The following CTXND1 variants were observed in gnomAD, a reference collection of about 807,000 sequenced individuals.
The protein encoded by CTXND1 is cortexin domain-containing 1 protein.
At chr15:80,246,450 A>G (rs58979564) in intron 1 of CTXND1, among the ~76,000 whole-genome samples, 1,975 of 152,294 alleles carry the variant, frequency 0.013, 39 homozygotes, top group African/African-American at 0.045. Flanking sequence ...GGAGCCACAT[A>G]AGCCTGGACA....
In CTXND1 at chr15:80,197,473, A is replaced by G. The variant is rs1398307716; in HGVS notation, c.*4297T>C. The G allele has an allele frequency of 6.6e-6, 1 of 152,250 alleles. No individual in the cohort carries two copies. The highest frequency in any genetic ancestry group is 6.5e-5 in the Admixed American group (1 of 15,284). The allele number at this position is 152,250 out of a possible 1,614,324, so 9.4% of individuals were successfully genotyped here. A position where few individuals can be genotyped will look rare whatever the true frequency, so the allele number is the denominator to read the frequency against. On this transcript the variant is annotated 3_prime_UTR_variant, in exon 3 of 3. Transcript: ENST00000560778. ...CTTCAATCAGTGCTTCGTGTGTGCC[A>G]TCTCTTTCCTGCCAAGACACTGAAA...
chr15:80,226,963 A>AT (rs1223310553), intron 1 of CTXND1, among the ~76,000 whole-genome samples: 1 of 151,972 alleles, frequency 6.6e-6, no homozygotes, highest in African/African-American at 2.4e-5. Context: ...CATGAGCAGG[A>AT]TTTTTTCCCC....
Position 80,195,762 on chromosome 15 carries a change from T to A in CTXND1, c.*6008A>T, listed in dbSNP as rs1189149978. On this transcript the variant is annotated 3_prime_UTR_variant, in exon 3 of 3. Coordinates refer to ENST00000560778, the MANE Select transcript of CTXND1 (RefSeq NM_001352888.2). The stretch of plus-strand genomic sequence containing the variant: ...CAATGGGAATCAAGTTTCCAACATA[T>A]GAACTTTGGGGGACACATTCAAACC... 6.6e-6 allele frequency: 1 copy of A among 152,208 alleles called. No individual in the cohort carries two copies. 9.4% of individuals were successfully genotyped at this position (152,208 alleles called of 1,614,324 possible).
At chr15:80,241,429 C>A (rs1306331323) in intron 1 of CTXND1, among the ~76,000 whole-genome samples, 2 of 152,000 alleles carry the variant, frequency 1.3e-5, no homozygotes, top group African/African-American at 4.8e-5. Context: ...GAGCCCACGG[C>A]CCCTAGGAAA....
intron 1 of CTXND1, among the ~76,000 whole-genome samples, chr15:80,248,352 T>C (rs752945817): frequency 1.3e-5 from 2 of 152,198 alleles, no homozygotes; most frequent in Non-Finnish European, 2.9e-5. Context: ...GGGTCATTTC[T>C]ACAGATGATC....
At chr15:80,239,008 T>A (rs1409470762) in intron 1 of CTXND1, among the ~76,000 whole-genome samples, 1 of 152,208 alleles carries the variant, frequency 6.6e-6, no homozygotes, top group Non-Finnish European at 1.5e-5. Flanking sequence ...AAGCACCACA[T>A]GACTGAACTG....
intron 1 of CTXND1, among the ~76,000 whole-genome samples, chr15:80,237,093 T>C (rs1893507593): frequency 6.6e-6 from 1 of 152,126 alleles, no homozygotes; most frequent in African/African-American, 2.4e-5. Flanking sequence ...CCCAGCACTT[T>C]GGGACGCCAA....
intron 1 of CTXND1, among the ~76,000 whole-genome samples, chr15:80,236,545 G>A (rs1244258134): frequency 6.6e-6 from 1 of 151,926 alleles, no homozygotes; most frequent in African/African-American, 2.4e-5. Context: ...CACTTTGGGA[G>A]GCTGAGGCGG....
At chr15:80,225,168 T>C (rs1893359079) in intron 1 of CTXND1, among the ~76,000 whole-genome samples, 1 of 152,258 alleles carries the variant, frequency 6.6e-6, no homozygotes, top group Non-Finnish European at 1.5e-5. Context: ...TATTGATTCA[T>C]TGTTGTCTGG....
intron 1 of CTXND1, among the ~76,000 whole-genome samples, chr15:80,230,709 G>C (rs1160041425): frequency 6.6e-6 from 1 of 152,122 alleles, no homozygotes; most frequent in East Asian, 1.9e-4. Context: ...TGTTTTGGCT[G>C]TAACCCACAA....
intron 1 of CTXND1, among the ~76,000 whole-genome samples, chr15:80,246,703 G>T (rs1893634569): frequency 6.6e-6 from 1 of 152,240 alleles, no homozygotes; most frequent in Non-Finnish European, 1.5e-5. Flanking sequence ...CTGGGTCAGT[G>T]ATTCTCAGAT....
intron 1 of CTXND1, among the ~76,000 whole-genome samples, chr15:80,236,092 C>T (rs1893492361): frequency 6.7e-6 from 1 of 149,848 alleles, no homozygotes; most frequent in Admixed American, 6.7e-5. Context: ...GGGGAACACC[C>T]CAGTGATGCT....
At chr15:80,242,407 G>T (rs1264723340) in intron 1 of CTXND1, among the ~76,000 whole-genome samples, 5 of 152,256 alleles carry the variant, frequency 3.3e-5, no homozygotes, top group African/African-American at 1.2e-4. Flanking sequence ...GGGAGGCAGA[G>T]ATATGGCCCC....
At chr15:80,217,521 CTTATTTAT>C (rs67800490) in intron 1 of CTXND1, among the ~76,000 whole-genome samples, 26,196 of 143,592 alleles carry the variant, frequency 0.18, 2,531 homozygotes, top group Admixed American at 0.28. Flanking sequence ...CAATAGCTTG[CTTATTTAT>C]TTATTTATTT....
rs189859848 is a variant in CTXND1 at position 80,220,686 on chromosome 15, C to T, written c.-217-16946G>A. On this transcript the variant is annotated intron_variant, in intron 1 of 2. Transcript: ENST00000560778. Reference sequence around the variant, plus strand: ...CCCATTTGTGATAAAGGTATTCAGACTTTCATTCATGTCCGTTAATCATGT... The same window carrying T: ...CCCATTTGTGATAAAGGTATTCAGATTTTCATTCATGTCCGTTAATCATGT... Among the ~76,000 whole-genome samples, 11 of 152,140 alleles carry T rather than the reference C, an allele frequency of 7.2e-5. No individual in the cohort carries two copies. In the East Asian group the frequency reaches 1.7e-3, roughly 24 times the overall value.
chr15:80,201,608 C>T lies in CTXND1; in HGVS notation c.*162G>A, dbSNP rs1163967705. 3 of 395,658 alleles carry T rather than the reference C, an allele frequency of 7.6e-6. No individual in the cohort carries two copies. The highest frequency in any genetic ancestry group is 1.3e-5 in the Non-Finnish European group (3 of 224,912). The allele number at this position is 395,658 out of a possible 1,614,324, so 24.5% of individuals were successfully genotyped here. A position where few individuals can be genotyped will look rare whatever the true frequency, so the allele number is the denominator to read the frequency against. ...CACCCGGGCATTCCACGCTGGTGCT[C>T]GAGGGAGGGCTGAGAGGGCTAAGCT... On this transcript the variant is annotated 3_prime_UTR_variant, in exon 3 of 3. Coordinates refer to ENST00000560778, the MANE Select transcript of CTXND1 (RefSeq NM_001352888.2).
intron 1 of CTXND1, among the ~76,000 whole-genome samples, chr15:80,235,302 T>C (rs1477352796): frequency 6.6e-6 from 1 of 152,086 alleles, no homozygotes; most frequent in African/African-American, 2.4e-5. Flanking sequence ...AATGTTTTTC[T>C]CTCCAGGTAC....
chr15:80,195,657 T>G lies in CTXND1; in HGVS notation c.*6113A>C, dbSNP rs2041416642. The G allele has an allele frequency of 6.6e-6, 1 of 152,146 alleles. No individual in the cohort carries two copies. Among genetic ancestry groups the G allele is most frequent in the Admixed American group, 6.6e-5 (1 of 15,266 alleles). 9.4% of individuals were successfully genotyped at this position (152,146 alleles called of 1,614,324 possible). On this transcript the variant is annotated 3_prime_UTR_variant, in exon 3 of 3. Coordinates refer to ENST00000560778, the MANE Select transcript of CTXND1 (RefSeq NM_001352888.2). ...ACCCCCTTCATAACAAACCCACTCT[T>G]GAGATAACTGCATTAATCCATTCAC... is the stretch of plus-strand genomic sequence containing the variant.
At chr15:80,223,128 G>T (rs1489287011) in intron 1 of CTXND1, among the ~76,000 whole-genome samples, 2 of 152,058 alleles carry the variant, frequency 1.3e-5, no homozygotes, top group Admixed American at 6.6e-5. Flanking sequence ...GCCCAGGCTG[G>T]AATCCAATGG....
Sources: gnomAD v4.1 joint callset for allele counts (sites outside exome capture counted in the v4.1 genomes callset) on GRCh38, gnomAD v4.1.1 for gene constraint, MANE v1.5 for transcripts, NCBI Gene and HGNC (gene_info 2026-07-23, HGNC 2026-07-21) for gene names.